The following XIRP2 variants were observed in gnomAD, a reference collection of about 807,000 sequenced individuals.
XIRP2 encodes the protein xin actin binding repeat containing 2, also known as xin actin-binding repeat-containing protein 2.
Under a neutral mutation model 277.0 loss-of-function variants are expected in XIRP2, and 236 were observed. The observed-to-expected ratio is 0.85, with a 90% CI of 0.77 to 0.95. The LOEUF (loss-of-function observed/expected upper bound fraction) is 0.95. Among genes scored for constraint, XIRP2 ranks in the 40% least tolerant of loss-of-function variants. XIRP2 has a pLI of 0.00. For synonymous variants in XIRP2, 1,490 were observed against 1,416.5 expected (o/e 1.05, Z -1.17); for missense variants, 4,640 against 4,157.5 (o/e 1.12, Z -3.19).
chr2:167,208,045 GC>G (rs1693910793), intron 3 of XIRP2, among the ~76,000 whole-genome samples: 1 of 152,124 alleles, frequency 6.6e-6, no homozygotes, highest in Non-Finnish European at 1.5e-5. Context: ...TCTAAGCCCA[GC>G]TATACCATTA....
chr2:167,177,702 C>A (rs1692887379), intron 3 of XIRP2, among the ~76,000 whole-genome samples: 1 of 152,116 alleles, frequency 6.6e-6, no homozygotes, highest in Non-Finnish European at 1.5e-5. Context: ...ACTTATCTAT[C>A]AGATATGCAA....
intron 2 of XIRP2, among the ~76,000 whole-genome samples, chr2:166,913,079 C>T (rs1157456757): frequency 1.3e-5 from 2 of 152,192 alleles, no homozygotes; most frequent in Non-Finnish European, 2.9e-5. Flanking sequence ...GCAGTCTATC[C>T]ATTCTCAGAT....
At chr2:166,958,331 T>C (rs1199867115) in intron 2 of XIRP2, among the ~76,000 whole-genome samples, 1 of 151,940 alleles carries the variant, frequency 6.6e-6, no homozygotes, top group East Asian at 1.9e-4. Flanking sequence ...GTAAATCTAA[T>C]AGAGAGAGAA....
chr2:167,021,117 T>A (rs1338997061), intron 2 of XIRP2, among the ~76,000 whole-genome samples: 1 of 152,118 alleles, frequency 6.6e-6, no homozygotes, highest in African/African-American at 2.4e-5. Context: ...CTAATTCGTA[T>A]GCTTCTAAAA....
intron 7 of XIRP2, among the ~76,000 whole-genome samples, chr2:167,240,955 C>T (rs2105430419): frequency 6.6e-6 from 1 of 152,264 alleles, no homozygotes; most frequent in East Asian, 1.9e-4. Context: ...GGCCATCAGT[C>T]CTATGATATA....
At chr2:166,965,538 T>C (rs1686408112) in intron 2 of XIRP2, among the ~76,000 whole-genome samples, 1 of 151,920 alleles carries the variant, frequency 6.6e-6, no homozygotes. Context: ...AATTGTCTTC[T>C]TATACAGAGG....
intron 2 of XIRP2, among the ~76,000 whole-genome samples, chr2:167,094,075 G>C (rs1207707911): frequency 4.6e-5 from 7 of 151,598 alleles, no homozygotes; most frequent in Non-Finnish European, 1.0e-4. Context: ...CAGTGATGAT[G>C]AGCTTTTTTT....
At chr2:167,168,931 G>A (rs2105347209) in intron 3 of XIRP2, among the ~76,000 whole-genome samples, 1 of 152,206 alleles carries the variant, frequency 6.6e-6, no homozygotes. Context: ...AGGGCCCTTA[G>A]CATATTAATC....
chr2:167,069,900 C>G (rs1237774564), intron 2 of XIRP2, among the ~76,000 whole-genome samples: 2 of 152,100 alleles, frequency 1.3e-5, no homozygotes, highest in Admixed American at 1.3e-4. Flanking sequence ...CTGAGGAGTG[C>G]TGCTCTTCCA....
chr2:167,013,648 T>C (rs1199600587), intron 2 of XIRP2, among the ~76,000 whole-genome samples: 1 of 151,622 alleles, frequency 6.6e-6, no homozygotes, highest in Non-Finnish European at 1.5e-5. Context: ...AGATTTTCTA[T>C]TTGTCAAGGG....
intron 3 of XIRP2, among the ~76,000 whole-genome samples, chr2:167,169,344 C>T (rs1427014848): frequency 1.3e-5 from 2 of 152,184 alleles, no homozygotes; most frequent in Admixed American, 6.5e-5. Context: ...CCTATGACTG[C>T]GTGGCCCTGG....
intron 2 of XIRP2, among the ~76,000 whole-genome samples, chr2:167,004,474 A>G (rs1157451841): frequency 6.6e-6 from 1 of 151,882 alleles, no homozygotes; most frequent in African/African-American, 2.4e-5. Flanking sequence ...AAATGCAGCT[A>G]AGAACTTTAG....
chr2:167,014,967 G>A (rs969046526), intron 2 of XIRP2, among the ~76,000 whole-genome samples: 1 of 151,710 alleles, frequency 6.6e-6, no homozygotes, highest in African/African-American at 2.4e-5. Flanking sequence ...TCCTTGTGCA[G>A]GTCATGCAAT....
intron 5 of XIRP2, among the ~76,000 whole-genome samples, chr2:167,233,258 G>A (rs1694809804): frequency 6.6e-6 from 1 of 151,922 alleles, no homozygotes; most frequent in Non-Finnish European, 1.5e-5. Flanking sequence ...CATAAAGCTG[G>A]AGATTTTGGC....
At chr2:167,109,853 A>C (rs1048645531) in intron 2 of XIRP2, among the ~76,000 whole-genome samples, 1 of 151,936 alleles carries the variant, frequency 6.6e-6, no homozygotes, top group African/African-American at 2.4e-5. Flanking sequence ...TTTTCTTTTT[A>C]GTAATAGCCA....
At chr2:167,127,911 C>G (rs190943888) in intron 2 of XIRP2, among the ~76,000 whole-genome samples, 1 of 152,188 alleles carries the variant, frequency 6.6e-6, no homozygotes, top group African/African-American at 2.4e-5. Context: ...GGGGGTTCAT[C>G]CAGAAGAGTG....
chr2:167,070,369 C>G (rs1689407902), intron 2 of XIRP2, among the ~76,000 whole-genome samples: 1 of 151,996 alleles, frequency 6.6e-6, no homozygotes. Context: ...ATGCCCAGTT[C>G]CAGATAAGTA....
rs771446748 is a variant in XIRP2, at chr2:167,250,835, A to G, written c.9443A>G (p.Asp3148Gly). ...KNELSQSPKK[D>G]SYVEPPPRRP... ...GAGCTTTCTCAGTCCCCTAAAAAGG[A>G]CAGTTATGTTGAACCCCCACCAAGA... Residue 3148 changes from aspartate (D) to glycine (G), a missense_variant, in exon 9 of 11, where the codon GAC (aspartate) becomes GGC (glycine). By Grantham distance (94) the Asp-to-Gly change is moderately conservative. Transcript: ENST00000409195. The G allele has an allele frequency of 4.2e-5, 68 of 1,613,566 alleles. No individual in the cohort carries two copies. The highest frequency in any genetic ancestry group is 5.6e-5 in the Non-Finnish European group (66 of 1,179,740).
rs556875027 is a variant in XIRP2 at position 167,226,292 on chromosome 2, G to A, written c.858+7992G>A. On this transcript the variant is annotated intron_variant, in intron 5 of 10. Transcript: ENST00000409195. The stretch of plus-strand genomic sequence containing the variant: ...CACTTTTCAAAACTGTGTCCATGGC[G>A]CTGCTTCCTTGCCATTTTGCAGCTG... Among the ~76,000 whole-genome samples, 10 of 152,092 alleles carry A rather than the reference G, an allele frequency of 6.6e-5. No individual in the cohort carries two copies. The South Asian group carries it at 1.5e-3, about 22-fold the overall frequency.
Sources: gnomAD v4.1 joint callset for allele counts (sites outside exome capture counted in the v4.1 genomes callset) on GRCh38, gnomAD v4.1.1 for gene constraint, MANE v1.5 for transcripts, NCBI Gene and HGNC (gene_info 2026-07-23, HGNC 2026-07-21) for gene names.